The following PER2 variants were observed in gnomAD, a reference collection of about 807,000 sequenced individuals.
The protein encoded by PER2 is period circadian protein homolog 2.
Under a neutral mutation model 121.0 loss-of-function variants are expected in PER2, and 66 were observed. The observed-to-expected ratio is 0.55, with a 90% confidence interval of 0.45 to 0.67. The LOEUF is 0.67. Ranked by LOEUF, PER2 falls within the 30% of genes least tolerant of loss-of-function variation. The probability of loss-of-function intolerance (pLI) is 0.00; values close to 1 mark genes in which losing one functional copy is unlikely to be tolerated. For missense variants in PER2, 1,521 were observed against 1,635.0 expected, an observed-to-expected ratio of 0.93 and a Z score of 1.20; for synonymous variants, 684 against 659.9, an observed-to-expected ratio of 1.04 and a Z score of -0.56.
chr2:238,283,340 A>T (rs910278228), intron 1 of PER2, among the ~76,000 whole-genome samples: 28 of 152,124 alleles, frequency 1.8e-4, no homozygotes, highest in African/African-American at 6.3e-4. Context: ...TGCTTTCCAG[A>T]CTTTTCTTCC....
chr2:238,263,325 T>G (rs1394033937), intron 9 of PER2, among the ~76,000 whole-genome samples: 1 of 152,216 alleles, frequency 6.6e-6, no homozygotes, highest in Non-Finnish European at 1.5e-5. Flanking sequence ...AAGAGATAAG[T>G]CATGATCATG....
intron 9 of PER2, 22 bp downstream of exon 9, chr2:238,265,490 G>T: frequency 1.3e-6 from 2 of 1,492,646 alleles, no homozygotes; most frequent in South Asian, 1.1e-5. Flanking sequence ...CATGAAAAAG[G>T]GGGTGGGTCA....
chr2:238,252,861 G>T lies in PER2; in HGVS notation c.3111+51C>A. The T allele has an allele frequency of 1.3e-6, 2 of 1,498,924 alleles. No individual in the cohort carries two copies. Among genetic ancestry groups the T allele is most frequent in the Non-Finnish European group, 1.9e-6 (2 of 1,079,050 alleles). The allele number at this position is 1,498,924 out of a possible 1,614,324, so 92.9% of individuals were successfully genotyped here. ...CTGAGGATGTGCGGCCGGCCTGCCAGGTGTGCTGTTTGCTGCCTGCTTTGG... is the reference window on the plus strand; with the variant it reads ...CTGAGGATGTGCGGCCGGCCTGCCATGTGTGCTGTTTGCTGCCTGCTTTGG... On this transcript the variant is annotated intron_variant, in intron 19 of 22. Coordinates refer to ENST00000254657, the MANE Select transcript of PER2 (RefSeq NM_022817.3). The surrounding 1 kb of genome is among the most constrained non-coding windows in gnomAD (Gnocchi z 4.2).
rs565039739 is a variant in PER2, at chr2:238,281,956, C to T, written c.-19-4001G>A. Among the ~76,000 whole-genome samples the T allele has an allele frequency of 7.2e-5, 11 of 152,346 alleles. No homozygotes were observed. The South Asian group carries it at 2.1e-3, about 29-fold the overall frequency. On this transcript the variant is annotated intron_variant, in intron 1 of 22. Coordinates refer to ENST00000254657, the MANE Select transcript of PER2 (RefSeq NM_022817.3). Reference sequence around the variant, plus strand: ...ACAGGGAGGCTACGCATCCTGTCCACGATCATCCTGGCCAGGAGCCAGCCT... The same window carrying T: ...ACAGGGAGGCTACGCATCCTGTCCATGATCATCCTGGCCAGGAGCCAGCCT...
Position 238,258,283 on chromosome 2 carries a change from G to C in PER2, c.1893C>G (p.His631Gln), listed in dbSNP as rs368823363. The C allele has an allele frequency of 1.2e-6, 2 of 1,614,172 alleles. No individual in the cohort carries two copies. The highest frequency in any genetic ancestry group is 3.3e-5 in the Admixed American group (2 of 60,018). The change falls in exon 16 of 23, where the codon CAC (histidine) becomes CAG (glutamine). Residue 631 changes from histidine to glutamine, a missense_variant. Coordinates refer to ENST00000254657, the MANE Select transcript of PER2 (RefSeq NM_022817.3). The stretch of plus-strand genomic sequence containing the variant: ...TCTACACAGATTAGATACCTCCAGC[G>C]TGTGGCCCTGGGCTGACTGTGGCCT... ...KRKATVSPGP[H>Q]AGEAEPPSRV...
intron 12 of PER2, chr2:238,261,518 G>A (rs1559328012): frequency 1.6e-6 from 1 of 609,684 alleles, no homozygotes; most frequent in East Asian, 2.9e-5. Flanking sequence ...TTCAGACAAG[G>A]TCGAATGCAA....
chr2:238,296,905 C>G, the PER2 span, among the ~76,000 whole-genome samples: 2 of 152,228 alleles, frequency 1.3e-5, no homozygotes, highest in East Asian at 1.9e-4. Context: ...GCCAGCACCA[C>G]GCTCTGGGCT....
chr2:238,271,954 C>A (rs1325661765), intron 5 of PER2, among the ~76,000 whole-genome samples: 1 of 152,152 alleles, frequency 6.6e-6, no homozygotes, highest in African/African-American at 2.4e-5. Flanking sequence ...AACTTCTCCA[C>A]ACACAGAAAC....
intron 2 of PER2, among the ~76,000 whole-genome samples, 182 bp downstream of exon 2, chr2:238,277,525 C>T (rs570703076): frequency 6.6e-5 from 10 of 152,320 alleles, no homozygotes; most frequent in African/African-American, 2.4e-4. Flanking sequence ...ACTGGATCTG[C>T]GAACTCGACA....
chr2:238,268,594 T>TACG lies in PER2; in HGVS notation c.824+326_824+328dup, dbSNP rs1221351697. On this transcript the variant is annotated intron_variant, in intron 7 of 22. Coordinates refer to ENST00000254657, the MANE Select transcript of PER2 (RefSeq NM_022817.3). The surrounding 1 kb of genome is among the most constrained non-coding windows in gnomAD (Gnocchi z 4.0). ...GGACCAAGACCCTTGTCGGGAAAGC[T>TACG]ACGGGTCTCTCCCCAGAAAAACGCA... Among the ~76,000 whole-genome samples, 1 of 152,212 alleles carries TACG rather than the reference T, an allele frequency of 6.6e-6. No homozygotes were observed. The highest frequency in any genetic ancestry group is 6.5e-5 in the Admixed American group (1 of 15,286).
intron 5 of PER2, among the ~76,000 whole-genome samples, chr2:238,272,417 C>T (rs541192403): frequency 6.6e-6 from 1 of 152,364 alleles, no homozygotes; most frequent in African/African-American, 2.4e-5. Flanking sequence ...TCCAGCCCAC[C>T]ATGGGCGCTC....
chr2:238,297,889 G>A, the PER2 span, among the ~76,000 whole-genome samples: 232 of 152,322 alleles, frequency 1.5e-3, 3 homozygotes, highest in East Asian at 0.035. Flanking sequence ...CAAGCTGCAT[G>A]AGGACATGCC....
chr2:238,291,343 C>T (rs776981355), upstream of PER2, among the ~76,000 whole-genome samples: 11 of 152,262 alleles, frequency 7.2e-5, no homozygotes, highest in Non-Finnish European at 1.5e-4. Flanking sequence ...GGCCTCTCTG[C>T]ACCCAGGCCT....
At position 238,252,833 on chromosome 2, in the gene PER2, G is replaced by A. The variant is rs372273982; in HGVS notation, c.3111+79C>T. ...CCTCAATCGTGTAACCCCCATGTCT[G>A]AACTGAGGATGTGCGGCCGGCCTGC... On this transcript the variant is annotated intron_variant, in intron 19 of 22. Coordinates refer to ENST00000254657, the MANE Select transcript of PER2 (RefSeq NM_022817.3). This position sits in a 1 kb window ranked among gnomAD's most constrained non-coding sequence, Gnocchi z 4.2. 272 of 1,245,662 alleles carry A rather than the reference G, an allele frequency of 2.2e-4. 3 individuals are homozygous for A. In the East Asian group the frequency reaches 5.7e-3, roughly 26 times the overall value. The allele number at this position is 1,245,662 out of a possible 1,614,324, so 77.2% of individuals were successfully genotyped here. A position where few individuals can be genotyped will look rare whatever the true frequency, so the allele number is the denominator to read the frequency against.
At chr2:238,290,564 G>A (rs950101956), upstream of PER2, among the ~76,000 whole-genome samples, 2 of 152,044 alleles carry the variant, frequency 1.3e-5, no homozygotes, top group Admixed American at 6.6e-5. Context: ...CAATAAATCT[G>A]GTAGAAATAT....
chr2:238,298,547 C>G, the PER2 span: 1 of 152,326 alleles, frequency 6.6e-6, no homozygotes, highest in South Asian at 2.1e-4. Context: ...GCCTGTTCTT[C>G]CATGGCTTGT....
chr2:238,291,283 T>A (rs1427733799), upstream of PER2, among the ~76,000 whole-genome samples: 1 of 152,230 alleles, frequency 6.6e-6, no homozygotes, highest in Non-Finnish European at 1.5e-5. Flanking sequence ...TTTCCACCAG[T>A]AAGCCTGGCC....
At chr2:238,258,078 G>C (rs571930496) in intron 16 of PER2, among the ~76,000 whole-genome samples, 198 bp downstream of exon 16, 2 of 152,366 alleles carry the variant, frequency 1.3e-5, no homozygotes, top group East Asian at 3.9e-4. Flanking sequence ...CTGGCTTCCT[G>C]TTCTCAAAGC....
At chr2:238,284,604 T>C (rs183385939) in intron 1 of PER2, among the ~76,000 whole-genome samples, 19 of 152,306 alleles carry the variant, frequency 1.2e-4, no homozygotes, top group Non-Finnish European at 1.8e-4. Context: ...CAGGCAGTCC[T>C]TAGAGGAGCA....
Sources: gnomAD v4.1 joint callset for allele counts (sites outside exome capture counted in the v4.1 genomes callset) on GRCh38, gnomAD v4.1.1 for gene constraint, Gnocchi (gnomAD v3.1) non-coding constraint, MANE v1.5 for transcripts, NCBI Gene and HGNC (gene_info 2026-07-23, HGNC 2026-07-21) for gene names.